FANCB: variants seen among roughly 807,000 people sequenced by gnomAD.
FANCB encodes the protein Fanconi anemia group B protein.
Under a neutral mutation model 38.9 loss-of-function variants are expected in FANCB, and 5 were observed. That is an observed-to-expected ratio of 0.13 (90% CI 0.07 to 0.27). FANCB has a LOEUF of 0.27. FANCB is among the 10% of genes least tolerant of loss of function. The pLI is 1.00. For synonymous variants in FANCB, 236 were observed against 215.4 expected (o/e 1.10, Z -0.84); for missense variants, 573 against 602.7 (o/e 0.95, Z 0.52).
the FANCB span, among the ~76,000 whole-genome samples, chrX:14,692,951 C>T: frequency 9.2e-6 from 1 of 108,886 alleles, no homozygotes; most frequent in African/African-American, 3.3e-5. Context: ...AATAAACAGA[C>T]AAAATCAATC....
At chrX:14,851,080 C>T (rs763218065) in intron 6 of FANCB, among the ~76,000 whole-genome samples, 1 of 112,378 alleles carries the variant, frequency 8.9e-6, no homozygotes, top group African/African-American at 3.2e-5. Context: ...ACTGATTAAA[C>T]TATCTTTAGA....
chrX:14,864,092 G>A (rs1055371354), intron 3 of FANCB, among the ~76,000 whole-genome samples: 6 of 110,790 alleles, frequency 5.4e-5, no homozygotes, highest in African/African-American at 2.0e-4. Context: ...CCGAGATCAC[G>A]CCACTGCACT....
chrX:14,789,741 T>C, the FANCB span, among the ~76,000 whole-genome samples: 1 of 111,701 alleles, frequency 9.0e-6, no homozygotes, highest in Non-Finnish European at 1.9e-5. Flanking sequence ...TGTGCCATTT[T>C]CTGTAGCATT....
chrX:14,813,218 G>A, the FANCB span, among the ~76,000 whole-genome samples: 5 of 107,607 alleles, frequency 4.6e-5, no homozygotes, highest in African/African-American at 6.8e-5. Context: ...CATACTGAAT[G>A]GGCAAAAACT....
chrX:14,770,926 G>C, the FANCB span, among the ~76,000 whole-genome samples: 1 of 111,764 alleles, frequency 8.9e-6, no homozygotes, highest in Non-Finnish European at 1.9e-5. Context: ...TTTTGGGTTG[G>C]AAATTCTTTC....
chrX:14,746,758 T>C, the FANCB span, among the ~76,000 whole-genome samples: 1 of 112,392 alleles, frequency 8.9e-6, no homozygotes, highest in Non-Finnish European at 1.9e-5. Flanking sequence ...GCTGTATCAC[T>C]TTGTGGTTAA....
At chrX:14,846,343 C>G (rs758113331) in intron 7 of FANCB, among the ~76,000 whole-genome samples, 3 of 111,576 alleles carry the variant, frequency 2.7e-5, no homozygotes, top group Non-Finnish European at 5.7e-5. Flanking sequence ...CCTCTGCTTA[C>G]TAAAAAGGCC....
the FANCB span, among the ~76,000 whole-genome samples, chrX:14,802,013 T>C: frequency 8.9e-6 from 1 of 111,996 alleles, no homozygotes; most frequent in Non-Finnish European, 1.9e-5. Flanking sequence ...CTCCCTTTGC[T>C]GTAGCAAGTT....
the FANCB span, among the ~76,000 whole-genome samples, chrX:14,750,884 A>AT: frequency 9.5e-6 from 1 of 104,748 alleles, no homozygotes; most frequent in East Asian, 3.1e-4. Flanking sequence ...GGAAGACATT[A>AT]TTTAAAAAAA....
the FANCB span, among the ~76,000 whole-genome samples, chrX:14,711,393 G>A: frequency 1.8e-5 from 2 of 112,259 alleles, no homozygotes; most frequent in African/African-American, 3.2e-5. Flanking sequence ...GTTCTGATAC[G>A]CTAATTAGAT....
chrX:14,832,905 G>A (rs2092330881), downstream of FANCB, among the ~76,000 whole-genome samples: 2 of 112,050 alleles, frequency 1.8e-5, no homozygotes, highest in Non-Finnish European at 3.8e-5. Context: ...TGTCTTTCAT[G>A]TGTAAATTTG....
chrX:14,743,322 G>C, the FANCB span, among the ~76,000 whole-genome samples: 1 of 111,471 alleles, frequency 9.0e-6, no homozygotes, highest in Non-Finnish European at 1.9e-5. Context: ...AAAGGTATCT[G>C]AAAACTATTC....
At chrX:14,730,112 T>C in the FANCB span, 12 of 653,692 alleles carry the variant, frequency 1.8e-5, no homozygotes, top group African/African-American at 2.2e-4. Context: ...ACCAGTTAAC[T>C]GTGATTTATC....
At chrX:14,770,080 A>G in the FANCB span, among the ~76,000 whole-genome samples, 1 of 112,527 alleles carries the variant, frequency 8.9e-6, no homozygotes, top group African/African-American at 3.2e-5. Context: ...ATTTTAGAGT[A>G]AGTGCCATGT....
At chrX:14,703,880 C>G in the FANCB span, among the ~76,000 whole-genome samples, 1 of 112,005 alleles carries the variant, frequency 8.9e-6, no homozygotes, top group South Asian at 3.7e-4. Context: ...TGACTTTTCT[C>G]CTTTCCTTGT....
chrX:14,829,502 A>G, the FANCB span, among the ~76,000 whole-genome samples: 2 of 111,317 alleles, frequency 1.8e-5, no homozygotes, highest in East Asian at 5.6e-4. Context: ...TTCCTGTAGA[A>G]GACTGTTTTA....
chrX:14,863,312 G>A (rs1431649649), intron 3 of FANCB, among the ~76,000 whole-genome samples: 1 of 112,250 alleles, frequency 8.9e-6, no homozygotes, highest in Non-Finnish European at 1.9e-5. Flanking sequence ...TAAATGGATA[G>A]GGCACACAAA....
the FANCB span, among the ~76,000 whole-genome samples, chrX:14,772,562 C>T: frequency 5.3e-5 from 6 of 112,439 alleles, no homozygotes; most frequent in African/African-American, 9.7e-5. Flanking sequence ...TGCTGTTGGA[C>T]GGCTGGGATT....
At chrX:14,724,925 T>C in the FANCB span, among the ~76,000 whole-genome samples, 416 of 111,616 alleles carry the variant, frequency 3.7e-3, 1 homozygote, top group Non-Finnish European at 4.3e-3. Flanking sequence ...TTCATAATCT[T>C]GAATGGAAGC....
Sources: allele counts gnomAD v4.1 joint callset (sites outside exome capture counted in the v4.1 genomes callset), GRCh38; gene constraint gnomAD v4.1.1; transcripts MANE v1.5; gene names NCBI Gene and HGNC (gene_info 2026-07-23, HGNC 2026-07-21).